The following DNAJB2 variants were observed in gnomAD, a reference collection of about 807,000 sequenced individuals.
The protein encoded by DNAJB2 is DnaJ heat shock protein family (Hsp40) member B2.
In DNAJB2, 19 loss-of-function variants were observed where a neutral mutation model predicts 33.3. That is an observed-to-expected ratio of 0.57 (90% CI 0.40 to 0.84). The LOEUF (loss-of-function observed/expected upper bound fraction) is 0.84. Among genes scored for constraint, DNAJB2 ranks in the 40% least tolerant of loss-of-function variants. The pLI is 0.00. For synonymous variants in DNAJB2, 172 were observed against 164.6 expected (o/e 1.04, Z -0.34); for missense variants, 368 against 430.9 (o/e 0.85, Z 1.29).
In DNAJB2 at chr2:219,285,135, C is replaced by G; in HGVS notation, c.*148C>G. The stretch of plus-strand genomic sequence containing the variant: ...GTTTCCCTCCCAGGCCCCCCACACC[C>G]CAGTGTGGACTTGGGATTTGCTGTG... On this transcript the variant is annotated 3_prime_UTR_variant, in exon 9 of 9. Transcript: ENST00000336576. 6.6e-6 allele frequency: 9 copies of G among 1,369,772 alleles called. No homozygotes were observed. Among genetic ancestry groups the G allele is most frequent in the Non-Finnish European group, 8.5e-6 (9 of 1,057,782 alleles). The allele number at this position is 1,369,772 out of a possible 1,614,324, so 84.9% of individuals were successfully genotyped here. A position where few individuals can be genotyped will look rare whatever the true frequency, so the allele number is the denominator to read the frequency against.
At position 219,282,929 on chromosome 2, in the gene DNAJB2, G is replaced by A. The variant is rs751750146; in HGVS notation, c.445G>A (p.Asp149Asn). 8.2e-6 allele frequency: 13 copies of A among 1,593,882 alleles called. No individual in the cohort carries two copies. The highest frequency in any genetic ancestry group is 3.6e-5 in the Admixed American group (2 of 55,398). The change falls in exon 6 of 9, where the codon GAT (aspartate) becomes AAT (asparagine). Residue 149 changes from aspartate (D) to asparagine (N), a missense_variant and splice_region_variant. Physicochemically the swap from Asp to Asn is conservative, Grantham distance 23. Coordinates refer to ENST00000336576, the MANE Select transcript of DNAJB2 (RefSeq NM_006736.6). ...CTCTTCCTCCTTCCCTGGGCACTCC[G>A]GTAAGTTCTGCCCCTTCCCACGTTT... ...TFSSSFPGHS[D>N]FSSSSFSFSP...
intron 3 of DNAJB2, 33 bp from the exon 4 acceptor site, chr2:219,281,681 CAGAG>C (rs756458971): frequency 6.2e-7 from 1 of 1,613,480 alleles, no homozygotes; most frequent in Non-Finnish European, 8.5e-7. Context: ...GAGCCCATCC[CAGAG>C]GGAGGGTGAA....
In DNAJB2 at chr2:219,283,217, G is replaced by A. The variant is rs762985004; in HGVS notation, c.530G>A (p.Arg177His). The A allele has an allele frequency of 6.2e-6, 10 of 1,614,204 alleles. No homozygotes were observed. Among genetic ancestry groups the A allele is most frequent in the Admixed American group, 1.7e-5 (1 of 60,026 alleles). Residue 177 changes from arginine (R) to histidine (H), a missense_variant, in exon 7 of 9, where the codon CGC becomes CAC. Physicochemically the swap from Arg to His is conservative, Grantham distance 29. Transcript: ENST00000336576. ...ACATCTACCACCTTTGTCCAAGGAC[G>A]CCGCATCACCACACGCAGGTGAGAG... ...VSTSTTFVQG[R>H]RITTRRIMEN...
Position 219,285,664 on chromosome 2 carries a change from G to A in DNAJB2, c.*677G>A. ...CCGGTAGGGCTGTGAGATCTTCTGG[G>A]GAGGCTAGCCGGGTGGGGCGGGAGC... On this transcript the variant is annotated 3_prime_UTR_variant, in exon 9 of 9. Transcript: ENST00000336576. The A allele has an allele frequency of 1.7e-6, 2 of 1,169,608 alleles. No individual in the cohort carries two copies. The highest frequency in any genetic ancestry group is 2.1e-6 in the Non-Finnish European group (2 of 944,990). The allele number at this position is 1,169,608 out of a possible 1,614,324, so 72.5% of individuals were successfully genotyped here.
chr2:219,283,412 C>T lies in DNAJB2; in HGVS notation c.549-7C>T. On this transcript the variant is annotated splice_region_variant and splice_polypyrimidine_tract_variant and intron_variant, in intron 7 of 8. Transcript: ENST00000336576. ...GCTCGTTGCCTGAACTGTGCTGTCT[C>T]CCACAGAATCATGGAGAACGGGCAG... 2 of 1,613,674 alleles carry T rather than the reference C, an allele frequency of 1.2e-6. No homozygotes were observed. The highest frequency in any genetic ancestry group is 1.3e-5 in the African/African-American group (1 of 75,048).
Position 219,280,032 on chromosome 2 carries a change from A to G in DNAJB2, c.65+134A>G, listed in dbSNP as rs368516886. 58 of 926,192 alleles carry G rather than the reference A, an allele frequency of 6.3e-5. No individual in the cohort carries two copies. In the East Asian group the frequency reaches 1.2e-3, roughly 20 times the overall value. 57.4% of individuals were successfully genotyped at this position (926,192 alleles called of 1,614,324 possible). A position where few individuals can be genotyped will look rare whatever the true frequency, so the allele number is the denominator to read the frequency against. On this transcript the variant is annotated intron_variant, in intron 2 of 8. Coordinates refer to ENST00000336576, the MANE Select transcript of DNAJB2 (RefSeq NM_006736.6). ...AGCACTGGGGTGCTTCTTCCGAGTG[A>G]CACCTGCAGGGAGGAAAGAGACCCC...
chr2:219,285,541 TGCGGGCC>T lies in DNAJB2; in HGVS notation c.*557_*563del. ...CCCTCCCATTCTCTCTGCAACTCCC[TGCGGGCC>T]GCATCGCTTGCTTTCACTGCCGTCT... is the stretch of plus-strand genomic sequence containing the variant. On this transcript the variant is annotated 3_prime_UTR_variant, in exon 9 of 9. Coordinates refer to ENST00000336576, the MANE Select transcript of DNAJB2 (RefSeq NM_006736.6). 1 of 1,020,900 alleles carries T rather than the reference TGCGGGCC, an allele frequency of 9.8e-7. No individual in the cohort carries two copies. Among genetic ancestry groups the T allele is most frequent in the East Asian group, 9.4e-5 (1 of 10,692 alleles). The allele number at this position is 1,020,900 out of a possible 1,614,324, so 63.2% of individuals were successfully genotyped here.
chr2:219,285,227 C>T lies in DNAJB2; in HGVS notation c.*240C>T, dbSNP rs1001732440. The T allele has an allele frequency of 4.1e-6, 5 of 1,223,238 alleles. No homozygotes were observed. Among genetic ancestry groups the T allele is most frequent in the Non-Finnish European group, 5.1e-6 (5 of 981,042 alleles). 75.8% of individuals were successfully genotyped at this position (1,223,238 alleles called of 1,614,324 possible). On this transcript the variant is annotated 3_prime_UTR_variant, in exon 9 of 9. Coordinates refer to ENST00000336576, the MANE Select transcript of DNAJB2 (RefSeq NM_006736.6). ...GGGGGTGTCAGGGCAGTGGAGGGGC[C>T]CGAGGAGCCAGGTTGCATTTATTGG...
Position 219,284,888 on chromosome 2 carries a change from A to G in DNAJB2, c.876A>G (p.Gln292=). 1 of 1,606,572 alleles carries G rather than the reference A, an allele frequency of 6.2e-7. No homozygotes were observed. Among genetic ancestry groups the G allele is most frequent in the East Asian group, 2.2e-5 (1 of 44,640 alleles). Residue 292 remains glutamine, a synonymous_variant, in exon 9 of 9, where the codon CAA becomes CAG. Transcript: ENST00000336576. Reference sequence around the variant, plus strand: ...AGGGGCGGCCCAAGGCCCAGCACCAAGATCCAGGCTTGGGGGGGACCCAGG... The same window carrying G: ...AGGGGCGGCCCAAGGCCCAGCACCAGGATCCAGGCTTGGGGGGGACCCAGG... The part of the protein sequence containing the change: ...RRQGRPKAQH[Q]DPGLGGTQEG...
chr2:219,282,199 C>T (rs1163870952), intron 5 of DNAJB2, 138 bp downstream of exon 5: 1 of 1,430,614 alleles, frequency 7.0e-7, no homozygotes, highest in Non-Finnish European at 9.7e-7. Flanking sequence ...GAGCTGGGTC[C>T]AGTGAGAGCC....
At position 219,281,988 on chromosome 2, in the gene DNAJB2, C is replaced by T; in HGVS notation, c.279C>T (p.Thr93=). The T allele has an allele frequency of 1.9e-6, 3 of 1,614,236 alleles. No individual in the cohort carries two copies. The highest frequency in any genetic ancestry group is 1.7e-6 in the Non-Finnish European group (2 of 1,180,044). ...CTGGCAGTGGTGGGCCTGGCTTCAC[C>T]TTCACCTTCCGCAGCCCCGAGGAGG... ...AEAGSGGPGF[T]FTFRSPEEVF... The change falls in exon 5 of 9, where the codon ACC becomes ACT. Residue 93 remains threonine (T), a synonymous_variant. Transcript: ENST00000336576.
Position 219,279,910 on chromosome 2 carries a change from C to G in DNAJB2, c.65+12C>G. Reference sequence around the variant, plus strand: ...GACATCAAGAAGGCGTAAGTGCCTCCGTATGCAACAGAAGACCTCTCACCC... The same window carrying G: ...GACATCAAGAAGGCGTAAGTGCCTCGGTATGCAACAGAAGACCTCTCACCC... On this transcript the variant is annotated intron_variant, in intron 2 of 8. Transcript: ENST00000336576. The surrounding 1 kb of genome is among the most constrained non-coding windows in gnomAD (Gnocchi z 4.9). 1 of 1,613,782 alleles carries G rather than the reference C, an allele frequency of 6.2e-7. No homozygotes were observed. The highest frequency in any genetic ancestry group is 1.1e-5 in the South Asian group (1 of 91,070).
In DNAJB2 at chr2:219,285,498, T is replaced by C. The variant is rs1262152597; in HGVS notation, c.*511T>C. 2.0e-6 allele frequency: 2 copies of C among 1,008,488 alleles called. No homozygotes were observed. Among genetic ancestry groups the C allele is most frequent in the Non-Finnish European group, 2.4e-6 (2 of 844,752 alleles). 62.5% of individuals were successfully genotyped at this position (1,008,488 alleles called of 1,614,324 possible). On this transcript the variant is annotated 3_prime_UTR_variant, in exon 9 of 9. Transcript: ENST00000336576. Reference sequence around the variant, plus strand: ...CTCTGACCGTCTCTGTTGCTTCTCTTCTGGTGTTGCTTCTCCTCCCTCCCA... The same window carrying C: ...CTCTGACCGTCTCTGTTGCTTCTCTCCTGGTGTTGCTTCTCCTCCCTCCCA...
intron 2 of DNAJB2, 144 bp from the exon 3 acceptor site, chr2:219,280,434 C>T (rs755980747): frequency 1.6e-5 from 10 of 629,932 alleles, no homozygotes; most frequent in East Asian, 8.2e-5. Context: ...ATCACAGCAG[C>T]GGCAGCCCTA....
intron 6 of DNAJB2, 63 bp from the exon 7 acceptor site, chr2:219,283,070 C>T (rs1445933170): frequency 1.2e-6 from 2 of 1,601,050 alleles, no homozygotes; most frequent in Non-Finnish European, 1.7e-6. Flanking sequence ...CCTCGGTGAC[C>T]ACAACAGGCA....
chr2:219,284,717 G>T lies in DNAJB2; in HGVS notation c.705G>T (p.Gln235His), dbSNP rs752273176. ...TCACTTCCAGGTCTGGGGGCACTCA[G>T]GTCCAGCAGACCCCTGCCTCATGCC... ...PSVTSRSGGTQVQQTPASCPL... is the reference protein window; with the variant it reads ...PSVTSRSGGTHVQQTPASCPL... Residue 235 changes from glutamine to histidine, a missense_variant, in exon 9 of 9, where the codon CAG (glutamine) becomes CAT (histidine). By Grantham distance (24) the Gln-to-His change is conservative. Transcript: ENST00000336576. 6.2e-7 allele frequency: 1 copy of T among 1,613,198 alleles called. No individual in the cohort carries two copies. Among genetic ancestry groups the T allele is most frequent in the African/African-American group, 1.3e-5 (1 of 75,052 alleles).
chr2:219,283,597 G>A (rs748401831), intron 8 of DNAJB2, 108 bp downstream of exon 8: 5 of 1,179,920 alleles, frequency 4.2e-6, no homozygotes, highest in African/African-American at 3.1e-5. Context: ...GCTTGGGAGG[G>A]AGTGGCAACA....
At chr2:219,284,131 T>A (rs1406810304) in intron 8 of DNAJB2, among the ~76,000 whole-genome samples, 3 of 152,184 alleles carry the variant, frequency 2.0e-5, no homozygotes, top group Non-Finnish European at 2.9e-5. Context: ...AGGGTCGTGC[T>A]CAGCCCAGCA....
In DNAJB2 at chr2:219,286,143, A is replaced by T. The variant is rs1236586796; in HGVS notation, c.*1156A>T. ...GGGTGGCGGGTGGGGGCCGGGTGGG[A>T]GGTGGCAGTAGTCTTAGCCTGTGCA... On this transcript the variant is annotated 3_prime_UTR_variant, in exon 9 of 9. Transcript: ENST00000336576. The T allele has an allele frequency of 7.7e-6, 1 of 129,964 alleles. No homozygotes were observed. Among genetic ancestry groups the T allele is most frequent in the Non-Finnish European group, 1.6e-5 (1 of 62,934 alleles). The allele number at this position is 129,964 out of a possible 1,614,324, so 8.1% of individuals were successfully genotyped here.
Sources: allele counts gnomAD v4.1 joint callset (sites outside exome capture counted in the v4.1 genomes callset), GRCh38; gene constraint gnomAD v4.1.1; non-coding constraint Gnocchi (gnomAD v3.1); transcripts MANE v1.5; gene names NCBI Gene and HGNC (gene_info 2026-07-23, HGNC 2026-07-21).